The following PTPRJ variants were observed in gnomAD, a reference collection of about 807,000 sequenced individuals.
PTPRJ encodes protein tyrosine phosphatase receptor type J.
PTPRJ carries 129 observed loss-of-function variants against 141.3 expected under a neutral mutation model. The ratio of observed to expected loss-of-function variants is 0.91; its 90% confidence interval spans 0.79 to 1.06. PTPRJ has a LOEUF of 1.06. Among genes scored for constraint, PTPRJ ranks in the 50% least tolerant of loss-of-function variants. PTPRJ has a pLI of 0.00. For synonymous variants in PTPRJ, 610 were observed against 640.5 expected (o/e 0.95, Z 0.72); for missense variants, 1,601 against 1,679.7 (o/e 0.95, Z 0.82).
chr11:48,013,178 G>C (rs2134203832), intron 1 of PTPRJ, among the ~76,000 whole-genome samples: 1 of 151,298 alleles, frequency 6.6e-6, no homozygotes, highest in African/African-American at 2.4e-5. Context: ...GAGGGTAACA[G>C]ACAGGTGATG....
At chr11:48,149,883 A>C in intron 16 of PTPRJ, 107 bp from the exon 17 acceptor site, 1 of 872,300 alleles carries the variant, frequency 1.1e-6, no homozygotes, top group Non-Finnish European at 1.8e-6. Flanking sequence ...CTCTTGCCAA[A>C]TTATACCCTG....
Position 48,158,997 on chromosome 11 carries a change from A to G in PTPRJ, c.3439-933A>G, listed in dbSNP as rs1236988300. 6.6e-6 allele frequency among the ~76,000 whole-genome samples: 1 copy of G among 152,060 alleles called. No homozygotes were observed. Among genetic ancestry groups the G allele is most frequent in the Non-Finnish European group, 1.5e-5 (1 of 68,012 alleles). On this transcript the variant is annotated intron_variant, in intron 21 of 24. Coordinates refer to ENST00000418331, the MANE Select transcript of PTPRJ (RefSeq NM_002843.4). The surrounding 1 kb of genome is among the most constrained non-coding windows in gnomAD (Gnocchi z 4.4). The stretch of plus-strand genomic sequence containing the variant: ...CAGAAAACAAAACCCAAAACAACTC[A>G]AACTTCTCAGGTGAGTCAGATAATC...
intron 1 of PTPRJ, among the ~76,000 whole-genome samples, chr11:48,060,118 T>A (rs1412533401): frequency 6.6e-6 from 1 of 152,168 alleles, no homozygotes; most frequent in Non-Finnish European, 1.5e-5. Context: ...TACATCACAC[T>A]TTCGAAAGTG....
At chr11:48,066,101 T>C (rs1855075858) in intron 1 of PTPRJ, among the ~76,000 whole-genome samples, 1 of 152,120 alleles carries the variant, frequency 6.6e-6, no homozygotes, top group African/African-American at 2.4e-5. Flanking sequence ...AGCTCTATAG[T>C]CATGCCACTG....
chr11:48,163,533 A>C lies in PTPRJ; in HGVS notation c.3634A>C (p.Thr1212Pro). The C allele has an allele frequency of 6.2e-7, 1 of 1,613,892 alleles. No individual in the cohort carries two copies. The highest frequency in any genetic ancestry group is 8.5e-7 in the Non-Finnish European group (1 of 1,179,756). Residue 1212 changes from threonine (T) to proline (P), a missense_variant, in exon 23 of 25, where the codon ACT becomes CCT. By Grantham distance (38) the Thr-to-Pro change is conservative. Transcript: ENST00000418331. ...GCCAGACCACGGTGTTCCCGACACC[A>C]CTGACCTGCTCATCAACTTCCGGTA... is the stretch of plus-strand genomic sequence containing the variant. ...SWPDHGVPDT[T>P]DLLINFRYLV...
intron 1 of PTPRJ, among the ~76,000 whole-genome samples, chr11:47,989,628 A>G (rs1228044): frequency 0.37 from 55,695 of 151,820 alleles, 13,000 homozygotes; most frequent in African/African-American, 0.67. Context: ...AAAAAAATCT[A>G]TATCTATAGA....
chr11:48,132,190 A>G, intron 8 of PTPRJ: 2 of 985,398 alleles, frequency 2.0e-6, no homozygotes, highest in South Asian at 9.4e-5. Context: ...TTTCCTAAAC[A>G]ACACTGTGAT....
intron 1 of PTPRJ, among the ~76,000 whole-genome samples, chr11:48,096,354 C>T (rs1856004843): frequency 6.6e-6 from 1 of 152,010 alleles, no homozygotes. Flanking sequence ...CACTCTTAGC[C>T]CAAATTCCTG....
rs1855216302 is a variant in PTPRJ, at chr11:48,070,484, G to T, written c.97-39574G>T. On this transcript the variant is annotated intron_variant, in intron 1 of 24. Transcript: ENST00000418331. Reference sequence around the variant, plus strand: ...CCACTGCATTCCAGCCTGGGTGACAGGCAAGACTCTGTCTCCAAAAAAAAA... The same window carrying T: ...CCACTGCATTCCAGCCTGGGTGACATGCAAGACTCTGTCTCCAAAAAAAAA... 3.4e-5 allele frequency among the ~76,000 whole-genome samples: 5 copies of T among 148,496 alleles called. No individual in the cohort carries two copies. The South Asian group carries it at 1.1e-3, about 32-fold the overall frequency.
At chr11:48,055,421 T>TTAAC (rs2134253201) in intron 1 of PTPRJ, among the ~76,000 whole-genome samples, 1 of 152,202 alleles carries the variant, frequency 6.6e-6, no homozygotes, top group East Asian at 1.9e-4. Flanking sequence ...ATCTCTGAGG[T>TTAAC]TAACATCCAG....
intron 1 of PTPRJ, among the ~76,000 whole-genome samples, chr11:48,077,613 C>G (rs1855439822): frequency 6.6e-6 from 1 of 152,158 alleles, no homozygotes. Context: ...GATCCAATAT[C>G]CTGCCACCTG....
rs894894766 is a variant in PTPRJ, at chr11:47,992,846, C to T, written c.96+11838C>T. 6.6e-5 allele frequency among the ~76,000 whole-genome samples: 10 copies of T among 151,820 alleles called. No homozygotes were observed. In the South Asian group the frequency reaches 1.0e-3, roughly 16 times the overall value. ...TCCATTTCAGTTATATATGTGCGCA[C>T]GTGTGTGTGGTGTGTATGTGTGTAT... On this transcript the variant is annotated intron_variant, in intron 1 of 24. Coordinates refer to ENST00000418331, the MANE Select transcript of PTPRJ (RefSeq NM_002843.4).
At chr11:48,111,069 G>A (rs1317048233) in intron 2 of PTPRJ, among the ~76,000 whole-genome samples, 3 of 152,036 alleles carry the variant, frequency 2.0e-5, no homozygotes, top group Non-Finnish European at 4.4e-5. Flanking sequence ...CTGAATTCAG[G>A]AGTTCGAGAA....
Position 48,167,304 on chromosome 11 carries a change from T to C in PTPRJ, c.3956T>C (p.Ile1319Thr). 1.9e-6 allele frequency: 3 copies of C among 1,613,976 alleles called. No homozygotes were observed. The highest frequency in any genetic ancestry group is 2.5e-6 in the Non-Finnish European group (3 of 1,179,890). Residue 1319 changes from isoleucine (I) to threonine (T), a missense_variant, in exon 25 of 25, where the codon ATC (isoleucine) becomes ACC (threonine). By Grantham distance (89) the Ile-to-Thr change is moderately conservative. Coordinates refer to ENST00000418331, the MANE Select transcript of PTPRJ (RefSeq NM_002843.4). The stretch of plus-strand genomic sequence containing the variant: ...TACCAGAACACAACTGCAATGACAA[T>C]CTATGAAAACCTTGCGCCCGTGACC... ...LIYQNTTAMTIYENLAPVTTF... is the reference protein window; with the variant it reads ...LIYQNTTAMTTYENLAPVTTF...
chr11:48,150,124 G>T lies in PTPRJ; in HGVS notation c.3079G>T (p.Glu1027Ter). ...TAAGTTAATCAGAGTGGAGAATTTT[G>T]AGGCCTACTTCAAGAAGCAGCAAGC... ...KSKLIRVENF[E>*]AYFKKQQADS... Residue 1027 changes from glutamate to a stop codon, truncating the protein, a stop_gained, in exon 18 of 25, where the codon GAG becomes TAG. Coordinates refer to ENST00000418331, the MANE Select transcript of PTPRJ (RefSeq NM_002843.4). LOFTEE classifies it high-confidence loss of function. 6.2e-7 allele frequency: 1 copy of T among 1,613,980 alleles called. No individual in the cohort carries two copies. The highest frequency in any genetic ancestry group is 8.5e-7 in the Non-Finnish European group (1 of 1,179,940).
At chr11:48,115,283 G>A (rs1856536772) in intron 3 of PTPRJ, among the ~76,000 whole-genome samples, 2 of 152,124 alleles carry the variant, frequency 1.3e-5, no homozygotes, top group Admixed American at 1.3e-4. Flanking sequence ...ACAGACAATG[G>A]GGATTTGGAA....
intron 1 of PTPRJ, among the ~76,000 whole-genome samples, chr11:48,107,563 C>T (rs1856326565): frequency 6.6e-6 from 1 of 152,162 alleles, no homozygotes; most frequent in Non-Finnish European, 1.5e-5. Flanking sequence ...TGAGCTTGAT[C>T]TCTTTTCTTA....
intron 22 of PTPRJ, among the ~76,000 whole-genome samples, chr11:48,161,000 C>T (rs1467643826): frequency 6.6e-6 from 1 of 151,668 alleles, no homozygotes; most frequent in Non-Finnish European, 1.5e-5. Flanking sequence ...TCCACCTCTA[C>T]AAAAACAAAA....
At chr11:48,137,397 T>G in intron 10 of PTPRJ, 116 bp downstream of exon 10, 2 of 1,175,896 alleles carry the variant, frequency 1.7e-6, no homozygotes, top group Non-Finnish European at 2.4e-6. Context: ...TGATGGACAT[T>G]GAGCTTTCCG....
Sources: gnomAD v4.1 joint callset for allele counts (sites outside exome capture counted in the v4.1 genomes callset) on GRCh38, gnomAD v4.1.1 for gene constraint, Gnocchi (gnomAD v3.1) non-coding constraint, MANE v1.5 for transcripts, NCBI Gene and HGNC (gene_info 2026-07-23, HGNC 2026-07-21) for gene names.